The following LINGO2 variants were observed in gnomAD, a reference collection of about 807,000 sequenced individuals.
The protein encoded by LINGO2 is leucine rich repeat and Ig domain containing 2.
LINGO2 carries 14 observed loss-of-function variants against 30.6 expected under a neutral mutation model. That is an observed-to-expected ratio of 0.46 (90% confidence interval 0.30 to 0.72). The LOEUF is 0.72. Among genes scored for constraint, LINGO2 ranks in the 30% least tolerant of loss-of-function variants. The pLI, the probability that LINGO2 is intolerant of heterozygous loss-of-function variation, is 0.07. For missense variants in LINGO2, 729 were observed against 751.7 expected, an observed-to-expected ratio of 0.97 and a Z score of 0.35; for synonymous variants, 317 against 288.5, an observed-to-expected ratio of 1.10 and a Z score of -1.00.
At chr9:29,184,592 C>T in the LINGO2 span, among the ~76,000 whole-genome samples, 1 of 152,036 alleles carries the variant, frequency 6.6e-6, no homozygotes, top group Non-Finnish European at 1.5e-5. Flanking sequence ...ATCAATTACC[C>T]ATTACCTTAC....
intron 4 of LINGO2, among the ~76,000 whole-genome samples, chr9:28,294,960 G>A (rs1823870790): frequency 6.6e-6 from 1 of 152,030 alleles, no homozygotes; most frequent in Non-Finnish European, 1.5e-5. Context: ...TATAGTATTG[G>A]CCTCTACAGT....
At chr9:28,992,800 T>C in the LINGO2 span, among the ~76,000 whole-genome samples, 1 of 152,058 alleles carries the variant, frequency 6.6e-6, no homozygotes, top group South Asian at 2.1e-4. Context: ...GAAATAAAGA[T>C]GTTCTTTGAA....
chr9:28,990,134 C>G, the LINGO2 span, among the ~76,000 whole-genome samples: 8 of 152,198 alleles, frequency 5.3e-5, no homozygotes, highest in African/African-American at 1.9e-4. Context: ...GTTCCCTTTC[C>G]TAGTCAAAGA....
chr9:29,034,082 C>CAAA, the LINGO2 span, among the ~76,000 whole-genome samples: 2 of 141,222 alleles, frequency 1.4e-5, no homozygotes, highest in Non-Finnish European at 3.1e-5. Context: ...GATTCCACCT[C>CAAA]AAAAAAAAAA....
chr9:28,203,053 A>T (rs1383165469), intron 4 of LINGO2, among the ~76,000 whole-genome samples: 1 of 152,194 alleles, frequency 6.6e-6, no homozygotes, highest in Non-Finnish European at 1.5e-5. Context: ...TTTAAAACAA[A>T]AAGCAGGAAA....
At chr9:28,170,334 A>C (rs7024873) in intron 4 of LINGO2, among the ~76,000 whole-genome samples, 207 of 152,318 alleles carry the variant, frequency 1.4e-3, no homozygotes, top group African/African-American at 4.7e-3. Context: ...TTATTATCCA[A>C]AAGAAATAGA....
chr9:28,142,157 C>CTTTTTTTTTT (rs3064726), intron 4 of LINGO2, among the ~76,000 whole-genome samples: 1 of 135,990 alleles, frequency 7.4e-6, no homozygotes, highest in Non-Finnish European at 1.6e-5. Flanking sequence ...CTTTCTTTGT[C>CTTTTTTTTTT]TTTTTTTTTT....
chr9:28,306,496 C>A (rs1314679283), intron 3 of LINGO2, among the ~76,000 whole-genome samples: 1 of 152,004 alleles, frequency 6.6e-6, no homozygotes, highest in African/African-American at 2.4e-5. Flanking sequence ...AAAACTGACA[C>A]CCTAACATCA....
the LINGO2 span, among the ~76,000 whole-genome samples, chr9:29,082,026 GC>G: frequency 6.6e-6 from 1 of 152,048 alleles, no homozygotes; most frequent in Non-Finnish European, 1.5e-5. Context: ...CAGATTCAAT[GC>G]CATCCCCATC....
At chr9:27,984,218 T>C (rs1394853842) in intron 5 of LINGO2, among the ~76,000 whole-genome samples, 2 of 151,864 alleles carry the variant, frequency 1.3e-5, no homozygotes, top group Non-Finnish European at 2.9e-5. Context: ...TTAAGCACAA[T>C]TGCTCTGAAA....
At chr9:28,989,702 T>A in the LINGO2 span, among the ~76,000 whole-genome samples, 1 of 152,158 alleles carries the variant, frequency 6.6e-6, no homozygotes, top group South Asian at 2.1e-4. Flanking sequence ...ATACAAAATG[T>A]TTACCAAAAT....
chr9:29,076,592 A>T, the LINGO2 span, among the ~76,000 whole-genome samples: 1 of 143,756 alleles, frequency 7.0e-6, no homozygotes, highest in East Asian at 2.0e-4. Flanking sequence ...ATATATATAT[A>T]TTATATATAA....
chr9:28,819,980 G>A, the LINGO2 span, among the ~76,000 whole-genome samples: 21 of 152,156 alleles, frequency 1.4e-4, no homozygotes, highest in South Asian at 6.2e-4. Context: ...TCAAATGGTC[G>A]TATTCTGCTT....
At chr9:28,070,195 A>G (rs1825433117) in intron 4 of LINGO2, among the ~76,000 whole-genome samples, 2 of 152,246 alleles carry the variant, frequency 1.3e-5, no homozygotes, top group East Asian at 1.9e-4. Flanking sequence ...TATAAGCACA[A>G]CTGCATATAC....
At chr9:28,493,939 C>T (rs1361237143) in intron 1 of LINGO2, among the ~76,000 whole-genome samples, 15 of 152,134 alleles carry the variant, frequency 9.9e-5, no homozygotes, top group Non-Finnish European at 7.3e-5. Context: ...CTGGCTTCCT[C>T]TCTCCTCAGC....
At chr9:28,711,308 T>A in the LINGO2 span, among the ~76,000 whole-genome samples, 1 of 152,082 alleles carries the variant, frequency 6.6e-6, no homozygotes, top group Admixed American at 6.6e-5. Context: ...AGCTTAGTGA[T>A]CAAATAGAAG....
chr9:29,137,508 A>T, the LINGO2 span, among the ~76,000 whole-genome samples: 1 of 152,200 alleles, frequency 6.6e-6, no homozygotes, highest in African/African-American at 2.4e-5. Context: ...TGCTCTAGGT[A>T]AACTTCAGCC....
the LINGO2 span, among the ~76,000 whole-genome samples, chr9:29,055,940 G>GTATATATGTATATA: frequency 8.3e-6 from 1 of 119,982 alleles, no homozygotes; most frequent in Non-Finnish European, 1.8e-5. Context: ...ATGTGTGTGT[G>GTATATATGTATATA]TATATATACA....
At chr9:29,166,915 C>G in the LINGO2 span, among the ~76,000 whole-genome samples, 1 of 151,920 alleles carries the variant, frequency 6.6e-6, no homozygotes, top group Non-Finnish European at 1.5e-5. Flanking sequence ...TATAAGCAGG[C>G]AGAGAGAATT....
Sources: allele counts gnomAD v4.1 joint callset (sites outside exome capture counted in the v4.1 genomes callset), GRCh38; gene constraint gnomAD v4.1.1; transcripts MANE v1.5; gene names NCBI Gene and HGNC (gene_info 2026-07-23, HGNC 2026-07-21).